Variants in CSNK1G2 observed in about 807,000 individuals in gnomAD.
CSNK1G2 encodes the protein casein kinase I isoform gamma-2.
Under a neutral mutation model 48.0 loss-of-function variants are expected in CSNK1G2, and 11 were observed. The ratio of observed to expected loss-of-function variants is 0.23; its 90% confidence interval spans 0.14 to 0.38. The LOEUF is 0.38. CSNK1G2 is among the 10% of genes least tolerant of loss of function. The pLI, the probability that CSNK1G2 is intolerant of heterozygous loss-of-function variation, is 1.00. For missense variants in CSNK1G2, 446 were observed against 595.5 expected (o/e 0.75, Z 2.61); for synonymous variants, 337 against 254.1 (o/e 1.33, Z -3.10).
At chr19:1,958,055 T>G (rs1448636272) in intron 1 of CSNK1G2, among the ~76,000 whole-genome samples, 7 of 152,108 alleles carry the variant, frequency 4.6e-5, no homozygotes, top group Admixed American at 1.3e-4. Flanking sequence ...GCCCACATCC[T>G]AATGGGACAC....
Position 1,969,600 on chromosome 19 carries a change from G to A in CSNK1G2, c.-173G>A, listed in dbSNP as rs2015495807. The A allele has an allele frequency of 1.3e-5, 6 of 473,608 alleles. No individual in the cohort carries two copies. Among genetic ancestry groups the A allele is most frequent in the Admixed American group, 4.4e-5 (1 of 22,602 alleles). The allele number at this position is 473,608 out of a possible 1,614,324, so 29.3% of individuals were successfully genotyped here. ...CCGAGGCCACTGAGAAGAGCAGCGC[G>A]GCCTGGCCGGCCCGAACGCCTGCGT... On this transcript the variant is annotated 5_prime_UTR_variant, in exon 2 of 12. Coordinates refer to ENST00000255641, the MANE Select transcript of CSNK1G2 (RefSeq NM_001319.7).
At chr19:1,941,680 G>T (rs1224887136) in intron 1 of CSNK1G2, among the ~76,000 whole-genome samples, 1 of 135,626 alleles carries the variant, frequency 7.4e-6, no homozygotes, top group African/African-American at 2.8e-5. Flanking sequence ...CCTAACCCGC[G>T]CTCAGGACCT....
Position 1,978,618 on chromosome 19 carries a change from C to A in CSNK1G2, c.315C>A (p.Val105=). 1 of 1,600,812 alleles carries A rather than the reference C, an allele frequency of 6.2e-7. No homozygotes were observed. Among genetic ancestry groups the A allele is most frequent in the Non-Finnish European group, 8.5e-7 (1 of 1,174,286 alleles). Residue 105 remains valine, a synonymous_variant, in exon 5 of 12, where the codon GTC becomes GTA. Coordinates refer to ENST00000255641, the MANE Select transcript of CSNK1G2 (RefSeq NM_001319.7). This position sits in a 1 kb window ranked among gnomAD's most constrained non-coding sequence, Gnocchi z 7.3. Reference sequence around the variant, plus strand: ...CCGCCGCAGAGGGCGTCCCTCAGGTCTACTACTTCGGTCCGTGCGGGAAGT... The same window carrying A: ...CCGCCGCAGAGGGCGTCCCTCAGGTATACTACTTCGGTCCGTGCGGGAAGT... ...QLSATEGVPQ[V]YYFGPCGKYN...
chr19:1,980,326 C>G lies in CSNK1G2; in HGVS notation c.*123C>G, dbSNP rs750070698. ...CAGACCCTGGCTGGAAGCCAGAACGCAGACTGCAGGGGCCGCGCCTGGCTC... is the reference window on the plus strand; with the variant it reads ...CAGACCCTGGCTGGAAGCCAGAACGGAGACTGCAGGGGCCGCGCCTGGCTC... On this transcript the variant is annotated 3_prime_UTR_variant, in exon 12 of 12. Coordinates refer to ENST00000255641, the MANE Select transcript of CSNK1G2 (RefSeq NM_001319.7). The G allele has an allele frequency of 1.9e-5, 23 of 1,241,714 alleles. No individual in the cohort carries two copies. Among genetic ancestry groups the G allele is most frequent in the Non-Finnish European group, 2.6e-5 (22 of 859,570 alleles). The allele number at this position is 1,241,714 out of a possible 1,614,324, so 76.9% of individuals were successfully genotyped here.
chr19:1,977,932 C>T (rs943983099), intron 2 of CSNK1G2, among the ~76,000 whole-genome samples: 2 of 152,040 alleles, frequency 1.3e-5, no homozygotes, highest in African/African-American at 4.8e-5. Context: ...GGCCGAGGGC[C>T]TCGGGCATGT....
At chr19:1,958,040 G>C (rs1429656599) in intron 1 of CSNK1G2, among the ~76,000 whole-genome samples, 1 of 152,148 alleles carries the variant, frequency 6.6e-6, no homozygotes, top group Non-Finnish European at 1.5e-5. Flanking sequence ...CCTGACGACG[G>C]CACTGCCCAC....
rs926965407 is a variant in CSNK1G2, at chr19:1,953,683, C to G, written c.-266+12265C>G. ...TGTGCCATCACCAGGGCGAGGCTGA[C>G]CTGTGGGACGGGGTCCCTGCACAGC... is the stretch of plus-strand genomic sequence containing the variant. On this transcript the variant is annotated intron_variant, in intron 1 of 11. Transcript: ENST00000255641. Among the ~76,000 whole-genome samples the G allele has an allele frequency of 3.9e-5, 6 of 151,948 alleles. 1 individual carries two copies. In the South Asian group the frequency reaches 1.2e-3, roughly 32 times the overall value.
intron 1 of CSNK1G2, chr19:1,954,495 C>G (rs2014910957): frequency 6.5e-6 from 1 of 154,226 alleles, no homozygotes; most frequent in Non-Finnish European, 1.4e-5. Flanking sequence ...CCTCTGAGGG[C>G]ACTGGGACGG....
In CSNK1G2 at chr19:1,972,065, G is replaced by A. The variant is rs527438137; in HGVS notation, c.187+2106G>A. Among the ~76,000 whole-genome samples, 8 of 152,306 alleles carry A rather than the reference G, an allele frequency of 5.3e-5. No homozygotes were observed. In the East Asian group the frequency reaches 1.2e-3, roughly 22 times the overall value. On this transcript the variant is annotated intron_variant, in intron 2 of 11. Transcript: ENST00000255641. ...ATTACAGGCGTGAGCCACTGCGCCC[G>A]GCCTGGTGACGCCAGCTTTTACTGA...
At chr19:1,955,713 A>G (rs1393210450) in intron 1 of CSNK1G2, among the ~76,000 whole-genome samples, 2 of 152,156 alleles carry the variant, frequency 1.3e-5, no homozygotes, top group South Asian at 2.1e-4. Context: ...GGGTGCAGGG[A>G]GTGCTCAGCG....
chr19:1,951,810 A>G (rs1030830898), intron 1 of CSNK1G2, among the ~76,000 whole-genome samples: 2 of 148,812 alleles, frequency 1.3e-5, no homozygotes, highest in African/African-American at 5.1e-5. Context: ...CCTCCCGAGC[A>G]GCTGGGACCA....
At chr19:1,966,778 C>T (rs892508059) in intron 1 of CSNK1G2, among the ~76,000 whole-genome samples, 6 of 152,180 alleles carry the variant, frequency 3.9e-5, no homozygotes, top group African/African-American at 7.2e-5. Flanking sequence ...AGTCAGCCGC[C>T]GTCCACATTG....
rs781628669 is a variant in CSNK1G2 at position 1,979,109 on chromosome 19, G to A, written c.682+16G>A. On this transcript the variant is annotated intron_variant, in intron 6 of 11. Transcript: ENST00000255641. ...CTGGGCAAGGGTGAGCTGCGCGCGC[G>A]CGGCGGGGGGCGGGCGCCCGGACCC... is the stretch of plus-strand genomic sequence containing the variant. 6.3e-6 allele frequency: 10 copies of A among 1,583,264 alleles called. No homozygotes were observed. Among genetic ancestry groups the A allele is most frequent in the East Asian group, 2.3e-5 (1 of 44,304 alleles).
intron 1 of CSNK1G2, among the ~76,000 whole-genome samples, chr19:1,947,134 T>C (rs963045710): frequency 6.6e-6 from 1 of 152,196 alleles, no homozygotes. Flanking sequence ...CGTAATTGCC[T>C]TTGGAGGCTT....
Position 1,980,299 on chromosome 19 carries a change from G to GCCAGAC in CSNK1G2, c.*99_*104dup. On this transcript the variant is annotated 3_prime_UTR_variant, in exon 12 of 12. Transcript: ENST00000255641. ...CGGGGCCCACCCACAGCGGCCCAGG[G>GCCAGAC]CCAGACCCTGGCTGGAAGCCAGAAC... The GCCAGAC allele has an allele frequency of 6.8e-7, 1 of 1,475,412 alleles. No individual in the cohort carries two copies. The highest frequency in any genetic ancestry group is 9.4e-7 in the Non-Finnish European group (1 of 1,064,470). The allele number at this position is 1,475,412 out of a possible 1,614,324, so 91.4% of individuals were successfully genotyped here.
chr19:1,944,248 C>G (rs548939515), intron 1 of CSNK1G2, among the ~76,000 whole-genome samples: 1 of 152,118 alleles, frequency 6.6e-6, no homozygotes, highest in East Asian at 1.9e-4. Context: ...GGCAGCCACA[C>G]GAGAGAACCT....
Position 1,957,030 on chromosome 19 carries a change from G to GC in CSNK1G2, c.-265-12477dup, listed in dbSNP as rs1228378467. On this transcript the variant is annotated intron_variant, in intron 1 of 11. Coordinates refer to ENST00000255641, the MANE Select transcript of CSNK1G2 (RefSeq NM_001319.7). The surrounding 1 kb of genome is among the most constrained non-coding windows in gnomAD (Gnocchi z 5.4). ...TTCTGCAGAGGGAAGGCTGGTGGTG[G>GC]CGCCCCCCTTCGACGGTCGTGCCCT... 6.6e-5 allele frequency among the ~76,000 whole-genome samples: 10 copies of GC among 152,186 alleles called. No individual in the cohort carries two copies. Among genetic ancestry groups the GC allele is most frequent in the Non-Finnish European group, 1.5e-4 (10 of 68,026 alleles).
intron 2 of CSNK1G2, among the ~76,000 whole-genome samples, chr19:1,972,838 G>T (rs530067644): frequency 2.0e-5 from 3 of 151,898 alleles, no homozygotes; most frequent in Admixed American, 6.6e-5. Flanking sequence ...TGGCCAGGCT[G>T]GTCTTGAACT....
At chr19:1,973,125 C>T (rs1388672600) in intron 2 of CSNK1G2, among the ~76,000 whole-genome samples, 4 of 151,278 alleles carry the variant, frequency 2.6e-5, no homozygotes, top group Non-Finnish European at 5.9e-5. Context: ...GACGGGGTTT[C>T]GCCGTGTTAG....
Sources: gnomAD v4.1 joint callset for allele counts (sites outside exome capture counted in the v4.1 genomes callset) on GRCh38, gnomAD v4.1.1 for gene constraint, Gnocchi (gnomAD v3.1) non-coding constraint, MANE v1.5 for transcripts, NCBI Gene and HGNC (gene_info 2026-07-23, HGNC 2026-07-21) for gene names.